The following PNPLA1 variants were observed in gnomAD, a reference collection of about 807,000 sequenced individuals.
The protein encoded by PNPLA1 is omega-hydroxyceramide transacylase.
Under a neutral mutation model 51.7 loss-of-function variants are expected in PNPLA1, and 36 were observed. The ratio of observed to expected loss-of-function variants is 0.70; its 90% CI spans 0.53 to 0.92. PNPLA1 has a LOEUF of 0.92. Among genes scored for constraint, PNPLA1 ranks in the 40% least tolerant of loss-of-function variants. The pLI, the probability that PNPLA1 is intolerant of heterozygous loss-of-function variation, is 0.00. For synonymous variants in PNPLA1, 293 were observed against 280.1 expected (o/e 1.05, Z -0.46); for missense variants, 658 against 682.5 (o/e 0.96, Z 0.40).
chr6:36,303,089 A>G (rs1771118207), intron 6 of PNPLA1, among the ~76,000 whole-genome samples: 1 of 151,568 alleles, frequency 6.6e-6, no homozygotes, highest in Non-Finnish European at 1.5e-5. Context: ...AGTTTGTTAT[A>G]GACTACAAAG....
intron 7 of PNPLA1, 137 bp downstream of exon 7, chr6:36,306,513 G>A (rs1163480760): frequency 6.7e-6 from 5 of 749,250 alleles, no homozygotes; most frequent in African/African-American, 1.8e-5. Context: ...TGTGATTCCA[G>A]GTCCACCCCT....
chr6:36,273,251 T>TAATAAATAAATA (rs61428212), intron 1 of PNPLA1, among the ~76,000 whole-genome samples: 8,055 of 146,510 alleles, frequency 0.055, 250 homozygotes, highest in South Asian at 0.075. Flanking sequence ...AATAAATAAA[T>TAATAAATAAATA]AATAAATAAA....
chr6:36,302,407 G>A lies in PNPLA1; in HGVS notation c.1322G>A (p.Ser441Asn), dbSNP rs548606984. ...GGGGCACCTCAAACACTGCCCCGAAGTTCTCTTTCAGCCTTCCCTGCTCAG... is the reference window on the plus strand; with the variant it reads ...GGGGCACCTCAAACACTGCCCCGAAATTCTCTTTCAGCCTTCCCTGCTCAG... ...TVGAPQTLPR[S>N]SLSAFPAQPP... The change falls in exon 6 of 9, where the codon AGT (serine) becomes AAT (asparagine). Residue 441 changes from serine (S) to asparagine (N), a missense_variant. Coordinates refer to ENST00000636260, the MANE Select transcript of PNPLA1 (RefSeq NM_001374623.1). The A allele has an allele frequency of 2.5e-6, 4 of 1,581,046 alleles. No homozygotes were observed. The highest frequency in any genetic ancestry group is 2.3e-5 in the South Asian group (2 of 85,348).
At chr6:36,290,784 G>A (rs1172309649) in intron 1 of PNPLA1, among the ~76,000 whole-genome samples, 2 of 152,142 alleles carry the variant, frequency 1.3e-5, no homozygotes, top group Non-Finnish European at 2.9e-5. Flanking sequence ...TCAAGACAAA[G>A]TTCACCTCCT....
Position 36,270,230 on chromosome 6 carries a change from T to C in PNPLA1, c.-230T>C, listed in dbSNP as rs2127324030. ...CGGGGGAGCCTTCTGCATCTCATTC[T>C]GGGGCCCCTTTCCAACCTTTGGAGT... On this transcript the variant is annotated 5_prime_UTR_variant, in exon 1 of 9. Coordinates refer to ENST00000636260, the MANE Select transcript of PNPLA1 (RefSeq NM_001374623.1). Among the ~76,000 whole-genome samples, 1 of 152,356 alleles carries C rather than the reference T, an allele frequency of 6.6e-6. No individual in the cohort carries two copies. The highest frequency in any genetic ancestry group is 1.9e-4 in the East Asian group (1 of 5,186).
intron 1 of PNPLA1, among the ~76,000 whole-genome samples, chr6:36,249,293 A>G (rs575342804): frequency 6.6e-6 from 1 of 152,212 alleles, no homozygotes; most frequent in South Asian, 2.1e-4. Flanking sequence ...TATTATACAC[A>G]CTGGAGTTTC....
At chr6:36,244,958 G>T (rs1769234895) in intron 1 of PNPLA1, among the ~76,000 whole-genome samples, 1 of 152,216 alleles carries the variant, frequency 6.6e-6, no homozygotes, top group African/African-American at 2.4e-5. Context: ...GTTTTTAAAG[G>T]CAGGGAGGCA....
At chr6:36,264,817 C>T (rs1428189773) in intron 1 of PNPLA1, among the ~76,000 whole-genome samples, 2 of 152,168 alleles carry the variant, frequency 1.3e-5, no homozygotes, top group Non-Finnish European at 2.9e-5. Context: ...ATCTCAAGGT[C>T]CTACAAAATA....
At chr6:36,282,175 CAG>C (rs1168556252) in intron 1 of PNPLA1, among the ~76,000 whole-genome samples, 5 of 51,206 alleles carry the variant, frequency 9.8e-5, no homozygotes, top group Non-Finnish European at 1.7e-4. Flanking sequence ...AAGAAAGAGA[CAG>C]AGAGAAAGAA....
At chr6:36,303,696 G>A (rs1771145289) in intron 6 of PNPLA1, among the ~76,000 whole-genome samples, 1 of 152,202 alleles carries the variant, frequency 6.6e-6, no homozygotes, top group African/African-American at 2.4e-5. Flanking sequence ...GCCAAACTTG[G>A]TGGTGCATGC....
In PNPLA1 at chr6:36,301,906, G is replaced by T. The variant is rs372573034; in HGVS notation, c.821G>T (p.Arg274Leu). Residue 274 changes from arginine (R) to leucine (L), a missense_variant, in exon 6 of 9, where the codon CGG becomes CTG. By Grantham distance (102) the Arg-to-Leu change is moderately radical. Transcript: ENST00000636260. The part of the protein sequence containing the change: ...NSSSKRVIFP[R>L]VEVYCQIELA... ...TCCTCCAAGAGAGTGATTTTCCCCC[G>T]GGTGGAAGTGTACTGCCAGATAGAA... The T allele has an allele frequency of 5.0e-6, 8 of 1,614,026 alleles. No homozygotes were observed. The African/African-American group carries it at 1.1e-4, about 22-fold the overall frequency.
chr6:36,292,052 T>C (rs949763766), intron 2 of PNPLA1, among the ~76,000 whole-genome samples: 2 of 152,228 alleles, frequency 1.3e-5, no homozygotes, highest in Admixed American at 1.3e-4. Context: ...CTGAGTGCGC[T>C]GCCCTAAGCT....
At chr6:36,284,781 A>T (rs1463914577) in intron 1 of PNPLA1, among the ~76,000 whole-genome samples, 2 of 152,186 alleles carry the variant, frequency 1.3e-5, no homozygotes, top group African/African-American at 4.8e-5. Flanking sequence ...GTCTCAGAAC[A>T]GCCTCAACCC....
chr6:36,272,442 G>C (rs979781447), intron 1 of PNPLA1, among the ~76,000 whole-genome samples: 1 of 152,192 alleles, frequency 6.6e-6, no homozygotes, highest in South Asian at 2.1e-4. Context: ...CCTGCTGTGC[G>C]GCCTGGTTCC....
chr6:36,259,316 G>A (rs1023255651), intron 1 of PNPLA1, among the ~76,000 whole-genome samples: 2 of 152,126 alleles, frequency 1.3e-5, no homozygotes, highest in African/African-American at 4.8e-5. Flanking sequence ...GACTTTCATG[G>A]GGTTATTGCT....
chr6:36,268,597 C>T (rs1364771241), upstream of PNPLA1, among the ~76,000 whole-genome samples: 1 of 152,234 alleles, frequency 6.6e-6, no homozygotes, highest in Non-Finnish European at 1.5e-5. Flanking sequence ...CGCCGCACAG[C>T]TCCTCAGATG....
upstream of PNPLA1, among the ~76,000 whole-genome samples, chr6:36,267,128 G>C (rs1769778327): frequency 6.6e-6 from 1 of 152,216 alleles, no homozygotes; most frequent in Non-Finnish European, 1.5e-5. Flanking sequence ...CAGACAAGCA[G>C]TGTTAACTTA....
intron 1 of PNPLA1, among the ~76,000 whole-genome samples, chr6:36,254,590 A>G (rs946902546): frequency 2.6e-5 from 4 of 152,086 alleles, no homozygotes; most frequent in Non-Finnish European, 4.4e-5. Flanking sequence ...AACAAAAAAA[A>G]AAACAAAAAA....
chr6:36,251,075 C>A (rs1196015286), intron 1 of PNPLA1, among the ~76,000 whole-genome samples: 1 of 152,210 alleles, frequency 6.6e-6, no homozygotes, highest in Non-Finnish European at 1.5e-5. Flanking sequence ...GGCAAAGGGG[C>A]CGTTTCTAGT....
Sources: gnomAD v4.1 joint callset for allele counts (sites outside exome capture counted in the v4.1 genomes callset) on GRCh38, gnomAD v4.1.1 for gene constraint, MANE v1.5 for transcripts, NCBI Gene and HGNC (gene_info 2026-07-23, HGNC 2026-07-21) for gene names.